Variants in PCDHGA1 observed in about 807,000 individuals in gnomAD.
PCDHGA1 encodes protocadherin gamma subfamily A, 1.
Under a neutral mutation model 58.0 loss-of-function variants are expected in PCDHGA1, and 32 were observed. The ratio of observed to expected loss-of-function variants is 0.55; its 90% confidence interval spans 0.42 to 0.74. The LOEUF is 0.74. PCDHGA1 is among the 30% of genes least tolerant of loss of function. The probability of loss-of-function intolerance (pLI) is 0.00; values close to 1 mark genes in which losing one functional copy is unlikely to be tolerated. For missense variants in PCDHGA1, 1,205 were observed against 1,182.3 expected, an observed-to-expected ratio of 1.02 and a Z score of -0.28; for synonymous variants, 498 against 501.1, an observed-to-expected ratio of 0.99 and a Z score of 0.08.
intron 1 of PCDHGA1, chr5:141,392,819 C>T (rs1346235587): frequency 1.4e-5 from 22 of 1,590,378 alleles, no homozygotes; most frequent in Non-Finnish European, 8.6e-6. Flanking sequence ...CAACAATGGC[C>T]GCTCCACAGA....
chr5:141,366,418 A>G (rs371439517), intron 1 of PCDHGA1: 439 of 1,613,988 alleles, frequency 2.7e-4, no homozygotes, highest in East Asian at 7.4e-4. Context: ...TTGTGGTGGC[A>G]GTGGCTGCAG....
rs1185071492 is a variant in PCDHGA1, at chr5:141,330,972, C to T, written c.288C>T (p.Cys96=). ...TARRIDREEL[C]AQSMPCLVSF... is the part of the protein sequence containing the mutation. ...GCAGGATAGACCGGGAGGAGCTCTG[C>T]GCTCAGAGCATGCCGTGTCTCGTGA... is the stretch of plus-strand genomic sequence containing the variant. The change falls in exon 1 of 4, where the codon TGC becomes TGT. Residue 96 remains cysteine, a synonymous_variant. Coordinates refer to ENST00000517417, the MANE Select transcript of PCDHGA1 (RefSeq NM_018912.3). The T allele has an allele frequency of 6.2e-7, 1 of 1,614,190 alleles. No homozygotes were observed. The highest frequency in any genetic ancestry group is 8.5e-7 in the Non-Finnish European group (1 of 1,180,044).
At chr5:141,365,386 G>T (rs115453161) in intron 1 of PCDHGA1, 2 of 1,613,816 alleles carry the variant, frequency 1.2e-6, no homozygotes, top group African/African-American at 1.3e-5. Context: ...TCACCTCTCT[G>T]ACCAGTTCGA....
chr5:141,423,762 G>GT, intron 1 of PCDHGA1: 1 of 264,254 alleles, frequency 3.8e-6, no homozygotes, highest in Non-Finnish European at 5.6e-6. Context: ...GGGGGGGGGT[G>GT]GGGCGGCATA....
At chr5:141,372,616 C>T (rs1289157345) in intron 1 of PCDHGA1, 1 of 1,613,978 alleles carries the variant, frequency 6.2e-7, no homozygotes, top group African/African-American at 1.3e-5. Flanking sequence ...GGAGTTCTCC[C>T]CACCTACAGC....
chr5:141,402,996 T>G, intron 1 of PCDHGA1: 3 of 1,613,890 alleles, frequency 1.9e-6, no homozygotes, highest in Non-Finnish European at 1.7e-6. Context: ...AGATTAGTCC[T>G]GCTATGCTCG....
At chr5:141,417,958 C>T (rs1255501304) in intron 1 of PCDHGA1, 3 of 1,613,720 alleles carry the variant, frequency 1.9e-6, no homozygotes, top group South Asian at 2.2e-5. Context: ...GTGAGCCGAT[C>T]CGCTACTCGA....
chr5:141,346,155 G>C lies in PCDHGA1; in HGVS notation c.2421+13050G>C, dbSNP rs753087531. 3 of 1,613,988 alleles carry C rather than the reference G, an allele frequency of 1.9e-6. No homozygotes were observed. The Admixed American group carries it at 5.0e-5, about 27-fold the overall frequency. The stretch of plus-strand genomic sequence containing the variant: ...GGTCTCCTGCGTCTTCCTGGCCTTC[G>C]TCATCGTGCTGCTGGCGCTCAGGCT... On this transcript the variant is annotated intron_variant, in intron 1 of 3. Coordinates refer to ENST00000517417, the MANE Select transcript of PCDHGA1 (RefSeq NM_018912.3).
chr5:141,413,197 T>C (rs1429088178), intron 1 of PCDHGA1: 1 of 1,611,552 alleles, frequency 6.2e-7, no homozygotes, highest in Non-Finnish European at 8.5e-7. Flanking sequence ...AAGGAATCGC[T>C]CAAAGGAATC....
chr5:141,365,527 T>A lies in PCDHGA1; in HGVS notation c.2421+32422T>A, dbSNP rs746233500. 2.5e-6 allele frequency: 4 copies of A among 1,613,866 alleles called. No homozygotes were observed. The Admixed American group carries it at 6.7e-5, about 27-fold the overall frequency. On this transcript the variant is annotated intron_variant, in intron 1 of 3. Coordinates refer to ENST00000517417, the MANE Select transcript of PCDHGA1 (RefSeq NM_018912.3). ...CTTTTAAATTGGAGAAGTCAGTTGA[T>A]AATTACTATCACCTATTAACAACTA...
In PCDHGA1 at chr5:141,403,718, C is replaced by T. The variant is rs77227638; in HGVS notation, c.2421+70613C>T. 9.8e-3 allele frequency: 15,884 copies of T among 1,613,838 alleles called. 137 individuals carry two copies. The highest frequency in any genetic ancestry group is 0.011 in the Non-Finnish European group (12,686 of 1,179,868). ...CCGAGTTAAAGTCCTTGAGAACGTG[C>T]CCCCAGGCACCTGGCTGCTTACTGC... On this transcript the variant is annotated intron_variant, in intron 1 of 3. Coordinates refer to ENST00000517417, the MANE Select transcript of PCDHGA1 (RefSeq NM_018912.3).
intron 1 of PCDHGA1, 124 bp from the exon 2 acceptor site, chr5:141,494,683 C>G: frequency 6.4e-7 from 1 of 1,569,074 alleles, no homozygotes; most frequent in Non-Finnish European, 8.7e-7. Context: ...CCCCTGCCCC[C>G]TCTTAGTCCG....
chr5:141,351,809 G>A, intron 1 of PCDHGA1: 1 of 1,613,290 alleles, frequency 6.2e-7, no homozygotes, highest in Non-Finnish European at 8.5e-7. Flanking sequence ...GCGCGCCTTC[G>A]ACCACGAGCA....
rs1226558966 is a variant in PCDHGA1, at chr5:141,432,589, G to C, written c.2422-62218G>C. The C allele has an allele frequency of 6.2e-7, 1 of 1,613,916 alleles. No homozygotes were observed. The highest frequency in any genetic ancestry group is 8.5e-7 in the Non-Finnish European group (1 of 1,179,974). The stretch of plus-strand genomic sequence containing the variant: ...CCTGGCTGTCCTACCGTCTGCTCAA[G>C]GCCAGCGAGCCGGGACTCTTCTCGG... On this transcript the variant is annotated intron_variant, in intron 1 of 3. Coordinates refer to ENST00000517417, the MANE Select transcript of PCDHGA1 (RefSeq NM_018912.3). The surrounding 1 kb of genome is among the most constrained non-coding windows in gnomAD (Gnocchi z 6.0).
chr5:141,350,217 G>T, intron 1 of PCDHGA1: 1 of 1,490,564 alleles, frequency 6.7e-7, no homozygotes, highest in South Asian at 1.5e-5. Flanking sequence ...ATTTCTTTTT[G>T]AAAAACATCC....
intron 1 of PCDHGA1, chr5:141,340,252 A>C: frequency 6.2e-7 from 1 of 1,614,180 alleles, no homozygotes; most frequent in Non-Finnish European, 8.5e-7. Context: ...CTAAAGATGG[A>C]GGGAACCCCT....
At chr5:141,463,108 T>G (rs1212278355) in intron 1 of PCDHGA1, among the ~76,000 whole-genome samples, 1 of 152,202 alleles carries the variant, frequency 6.6e-6, no homozygotes, top group Non-Finnish European at 1.5e-5. Flanking sequence ...CATCAAGAAT[T>G]CAGCTAATAG....
intron 2 of PCDHGA1, among the ~76,000 whole-genome samples, chr5:141,500,838 GGCTTTT>G (rs2099802886): frequency 6.6e-6 from 1 of 151,878 alleles, no homozygotes. Flanking sequence ...AATGCTAATG[GGCTTTT>G]GCTACATTAG....
intron 1 of PCDHGA1, chr5:141,375,663 A>G: frequency 6.2e-7 from 1 of 1,614,108 alleles, no homozygotes; most frequent in South Asian, 1.1e-5. Context: ...CAGTTGAGAG[A>G]CCTACAGCTG....
Sources: allele counts gnomAD v4.1 joint callset (sites outside exome capture counted in the v4.1 genomes callset), GRCh38; gene constraint gnomAD v4.1.1; non-coding constraint Gnocchi (gnomAD v3.1); transcripts MANE v1.5; gene names NCBI Gene and HGNC (gene_info 2026-07-23, HGNC 2026-07-21).